The following DOCK5 variants were observed in gnomAD, a reference collection of about 807,000 sequenced individuals.
DOCK5 encodes dedicator of cytokinesis 5.
In DOCK5, 142 loss-of-function variants were observed where a neutral mutation model predicts 251.8. The ratio of observed to expected loss-of-function variants is 0.56; its 90% CI spans 0.49 to 0.65. The LOEUF (loss-of-function observed/expected upper bound fraction) is 0.65. DOCK5 is among the 30% of genes least tolerant of loss of function. The pLI is 0.00. For missense variants in DOCK5, 2,111 were observed against 2,312.3 expected, an observed-to-expected ratio of 0.91 and a Z score of 1.79; for synonymous variants, 842 against 835.5, an observed-to-expected ratio of 1.01 and a Z score of -0.13.
chr8:25,259,885 G>A (rs190441779), intron 2 of DOCK5, among the ~76,000 whole-genome samples: 9 of 152,346 alleles, frequency 5.9e-5, no homozygotes, highest in Non-Finnish European at 5.9e-5. Context: ...GTCTCACCAA[G>A]AAGTACAAAA....
At chr8:25,290,337 AT>A (rs953186433) in intron 5 of DOCK5, among the ~76,000 whole-genome samples, 35 of 152,316 alleles carry the variant, frequency 2.3e-4, no homozygotes, top group African/African-American at 8.4e-4. Flanking sequence ...TGCAAAAAAA[AT>A]ATGATAATGT....
At chr8:25,297,246 C>T (rs1263462132) in intron 7 of DOCK5, among the ~76,000 whole-genome samples, 1 of 151,752 alleles carries the variant, frequency 6.6e-6, no homozygotes, top group African/African-American at 2.4e-5. Flanking sequence ...AGGCACCCAC[C>T]ACCACACCCG....
At chr8:25,291,697 A>AAT (rs1804491652) in intron 5 of DOCK5, among the ~76,000 whole-genome samples, 1 of 149,014 alleles carries the variant, frequency 6.7e-6, no homozygotes, top group Non-Finnish European at 1.5e-5. Context: ...AAAAAAAAAA[A>AAT]ATCAACCAGG....
intron 44 of DOCK5, among the ~76,000 whole-genome samples, chr8:25,395,187 G>A (rs1801325180): frequency 6.6e-6 from 1 of 152,118 alleles, no homozygotes; most frequent in South Asian, 2.1e-4. Context: ...CCTCGCATGT[G>A]CAGTTCACGA....
At chr8:25,375,409 A>AT (rs59599794) in intron 37 of DOCK5, 26 of 147,952 alleles carry the variant, frequency 1.8e-4, no homozygotes, top group South Asian at 8.5e-4. Flanking sequence ...TTCTTTCTTT[A>AT]TTTTTTTTTT....
intron 40 of DOCK5, among the ~76,000 whole-genome samples, chr8:25,388,241 TACA>T (rs1801198801): frequency 6.6e-6 from 1 of 152,234 alleles, no homozygotes; most frequent in Non-Finnish European, 1.5e-5. Flanking sequence ...CTTTGTGCAA[TACA>T]TATTTTTATA....
chr8:25,252,343 G>T (rs1388509739), intron 2 of DOCK5, among the ~76,000 whole-genome samples: 2 of 152,104 alleles, frequency 1.3e-5, no homozygotes, highest in Non-Finnish European at 2.9e-5. Context: ...CTTCAATAGG[G>T]GTGTCCAAGG....
intron 1 of DOCK5, among the ~76,000 whole-genome samples, chr8:25,223,753 A>G (rs1377851650): frequency 6.6e-6 from 1 of 152,238 alleles, no homozygotes; most frequent in Non-Finnish European, 1.5e-5. Flanking sequence ...TTACTTGTTA[A>G]GATGGATTTG....
At chr8:25,279,090 T>C (rs1316692114) in intron 5 of DOCK5, among the ~76,000 whole-genome samples, 6 of 152,274 alleles carry the variant, frequency 3.9e-5, no homozygotes, top group African/African-American at 9.6e-5. Flanking sequence ...AATTTATCGA[T>C]ATTTCAGGGC....
At chr8:25,338,091 G>C (rs186074258) in intron 22 of DOCK5, among the ~76,000 whole-genome samples, 85 of 151,986 alleles carry the variant, frequency 5.6e-4, no homozygotes, top group African/African-American at 2.0e-3. Context: ...TCACCCAGGC[G>C]AGAGTTCAGT....
chr8:25,325,522 C>T lies in DOCK5; in HGVS notation c.1878C>T (p.Ile626=). 1 of 1,613,776 alleles carries T rather than the reference C, an allele frequency of 6.2e-7. No individual in the cohort carries two copies. The highest frequency in any genetic ancestry group is 8.5e-7 in the Non-Finnish European group (1 of 1,179,718). ...ACAGCTTTCAGATTGCCACCCTCATCTGCTCCACAAAGCTCACCCAGAATG... is the reference window on the plus strand; with the variant it reads ...ACAGCTTTCAGATTGCCACCCTCATTTGCTCCACAAAGCTCACCCAGAATG... ...TKDSFQIATL[I]CSTKLTQNVD... is the part of the protein sequence containing the mutation. The change falls in exon 18 of 52, where the codon ATC becomes ATT. Residue 626 remains isoleucine, a synonymous_variant. Transcript: ENST00000276440.
chr8:25,228,883 C>T (rs928455700), intron 1 of DOCK5, among the ~76,000 whole-genome samples: 4 of 151,760 alleles, frequency 2.6e-5, no homozygotes, highest in Admixed American at 2.6e-4. Flanking sequence ...TTTTTTCCTA[C>T]AGGAACATGA....
chr8:25,355,070 C>T (rs1786403454), intron 27 of DOCK5, among the ~76,000 whole-genome samples: 1 of 151,966 alleles, frequency 6.6e-6, no homozygotes, highest in African/African-American at 2.4e-5. Flanking sequence ...CCTGTCTCTA[C>T]AAAAAAATTA....
intron 46 of DOCK5, among the ~76,000 whole-genome samples, chr8:25,400,515 A>AAAAAAG (rs1160464665): frequency 6.6e-6 from 1 of 151,660 alleles, no homozygotes. Flanking sequence ...AAAAAAAGAA[A>AAAAAAG]AGTTCATCTG....
At chr8:25,332,476 A>C in intron 19 of DOCK5, 127 bp from the exon 20 acceptor site, 1 of 1,188,238 alleles carries the variant, frequency 8.4e-7, no homozygotes, top group East Asian at 2.6e-5. Context: ...GTTGTTAAAC[A>C]AGTGTGCTAG....
At chr8:25,279,920 C>T (rs1431453868) in intron 5 of DOCK5, among the ~76,000 whole-genome samples, 2 of 151,892 alleles carry the variant, frequency 1.3e-5, no homozygotes, top group African/African-American at 2.4e-5. Context: ...CCACCATGGC[C>T]GGCTAATTTT....
Position 25,409,010 on chromosome 8 carries a change from T to G in DOCK5, c.5404+70T>G, listed in dbSNP as rs186221928. On this transcript the variant is annotated intron_variant, in intron 50 of 51. Transcript: ENST00000276440. The stretch of plus-strand genomic sequence containing the variant: ...AGTATGTTTATGCATCTGGGCAGTT[T>G]GTAACTAAACCAGCCAGAATGTATG... 3.6e-3 allele frequency: 5,794 copies of G among 1,599,856 alleles called. 19 individuals carry two copies. Among genetic ancestry groups the G allele is most frequent in the Non-Finnish European group, 4.6e-3 (5,362 of 1,167,830 alleles).
At chr8:25,337,400 C>CA (rs1366952736) in intron 22 of DOCK5, among the ~76,000 whole-genome samples, 1 of 150,470 alleles carries the variant, frequency 6.6e-6, no homozygotes. Flanking sequence ...TGAATAAAAA[C>CA]AAAAAAGAAG....
chr8:25,223,029 C>T (rs369454214), intron 1 of DOCK5, among the ~76,000 whole-genome samples: 1 of 152,128 alleles, frequency 6.6e-6, no homozygotes, highest in East Asian at 1.9e-4. Context: ...TTAATCCATC[C>T]TTGCTTGAGC....
Sources: gnomAD v4.1 joint callset for allele counts (sites outside exome capture counted in the v4.1 genomes callset) on GRCh38, gnomAD v4.1.1 for gene constraint, MANE v1.5 for transcripts, NCBI Gene and HGNC (gene_info 2026-07-23, HGNC 2026-07-21) for gene names.